ZMYND8: variants seen among roughly 807,000 people sequenced by gnomAD.
ZMYND8 encodes zinc finger MYND-type containing 8.
ZMYND8 carries 37 observed loss-of-function variants against 140.8 expected under a neutral mutation model. That is an observed-to-expected ratio of 0.26 (90% CI 0.20 to 0.35). The LOEUF (loss-of-function observed/expected upper bound fraction) is 0.35, where lower values mean the gene tolerates loss of function less well. Among genes scored for constraint, ZMYND8 ranks in the 10% least tolerant of loss-of-function variants. The pLI is 1.00. For missense variants in ZMYND8, 1,068 were observed against 1,570.0 expected (o/e 0.68, Z 5.40); for synonymous variants, 592 against 597.1 (o/e 0.99, Z 0.12).
At chr20:47,331,439 C>T (rs947639777) in intron 2 of ZMYND8, among the ~76,000 whole-genome samples, 3 of 152,174 alleles carry the variant, frequency 2.0e-5, no homozygotes, top group African/African-American at 7.2e-5. Context: ...CTCTCATGGA[C>T]ATCTTGAGTT....
At chr20:47,241,967 G>A (rs935415908) in intron 14 of ZMYND8, among the ~76,000 whole-genome samples, 11 of 151,890 alleles carry the variant, frequency 7.2e-5, no homozygotes, top group East Asian at 1.9e-4. Flanking sequence ...ACAGGTGCCC[G>A]CCACCATGCC....
intron 11 of ZMYND8, among the ~76,000 whole-genome samples, chr20:47,270,579 A>T (rs1199733614): frequency 6.6e-6 from 1 of 150,610 alleles, no homozygotes; most frequent in Non-Finnish European, 1.5e-5. Flanking sequence ...AAAAGTTGAT[A>T]GCTGGGTGTG....
chr20:47,290,474 T>C (rs1246516667), intron 6 of ZMYND8, among the ~76,000 whole-genome samples, 200 bp from the exon 7 acceptor site: 1 of 152,038 alleles, frequency 6.6e-6, no homozygotes, highest in Non-Finnish European at 1.5e-5. Context: ...TATAACCCTA[T>C]AAAAATGCAC....
chr20:47,327,422 G>A (rs1290762186), intron 2 of ZMYND8, among the ~76,000 whole-genome samples: 1 of 152,020 alleles, frequency 6.6e-6, no homozygotes, highest in Admixed American at 6.6e-5. Flanking sequence ...GGGAGGCCAA[G>A]GCAGGCAGAT....
intron 11 of ZMYND8, among the ~76,000 whole-genome samples, chr20:47,265,111 G>T (rs541841840): frequency 1.3e-5 from 2 of 149,226 alleles, no homozygotes; most frequent in East Asian, 3.9e-4. Context: ...TTTAGCATTA[G>T]AATTTTTAAC....
intron 3 of ZMYND8, among the ~76,000 whole-genome samples, chr20:47,299,955 A>G (rs903055549): frequency 3.9e-5 from 6 of 152,170 alleles, no homozygotes; most frequent in African/African-American, 1.4e-4. Flanking sequence ...CTAAAGCCAT[A>G]ATTCTTGAGC....
intron 3 of ZMYND8, among the ~76,000 whole-genome samples, chr20:47,305,352 T>C (rs748893506): frequency 6.6e-6 from 1 of 151,908 alleles, no homozygotes; most frequent in Admixed American, 6.6e-5. Context: ...GCGATTCTCA[T>C]GTCTCAGCCT....
At chr20:47,240,515 A>AAAT (rs778840988) in intron 14 of ZMYND8, among the ~76,000 whole-genome samples, 9 of 152,080 alleles carry the variant, frequency 5.9e-5, no homozygotes, top group South Asian at 4.2e-4. Flanking sequence ...CTCCGTCTCA[A>AAAT]AATAATAATA....
chr20:47,301,963 T>C (rs995482392), intron 3 of ZMYND8, among the ~76,000 whole-genome samples: 1 of 149,234 alleles, frequency 6.7e-6, no homozygotes, highest in African/African-American at 2.5e-5. Flanking sequence ...AAGGAGCTTT[T>C]CCTCCTCTTT....
chr20:47,238,592 C>T, intron 15 of ZMYND8, 166 bp downstream of exon 15: 1 of 1,331,740 alleles, frequency 7.5e-7, no homozygotes, highest in Non-Finnish European at 1.0e-6. Context: ...AGTAGCAAAA[C>T]AATTTTTAAA....
At chr20:47,214,350 C>A (rs561731544) in intron 21 of ZMYND8, among the ~76,000 whole-genome samples, 7 of 152,304 alleles carry the variant, frequency 4.6e-5, no homozygotes, top group African/African-American at 1.4e-4. Context: ...GGCCTCCCTG[C>A]AGCTTCTCAC....
At chr20:47,334,936 A>G (rs2081278130) in intron 2 of ZMYND8, among the ~76,000 whole-genome samples, 1 of 151,884 alleles carries the variant, frequency 6.6e-6, no homozygotes, top group African/African-American at 2.4e-5. Context: ...AAAAACCATC[A>G]AACTATTCAC....
chr20:47,287,366 T>G, intron 7 of ZMYND8, 82 bp from the exon 8 acceptor site: 1 of 1,189,164 alleles, frequency 8.4e-7, no homozygotes. Flanking sequence ...GCTAACAATG[T>G]GTTTACTTGC....
intron 2 of ZMYND8, chr20:47,320,628 G>C (rs990519926): frequency 6.6e-6 from 1 of 152,300 alleles, no homozygotes; most frequent in Admixed American, 6.5e-5. Flanking sequence ...GGGAAGCTGA[G>C]GCAGGAGAAT....
intron 17 of ZMYND8, among the ~76,000 whole-genome samples, chr20:47,227,849 T>C (rs184453616): frequency 3.3e-5 from 5 of 152,336 alleles, no homozygotes; most frequent in East Asian, 1.9e-4. Context: ...TGCTAGCACT[T>C]TGGGAGGCCA....
intron 14 of ZMYND8, among the ~76,000 whole-genome samples, chr20:47,244,217 T>C (rs192677365): frequency 1.4e-4 from 22 of 152,344 alleles, no homozygotes; most frequent in Non-Finnish European, 4.4e-5. Flanking sequence ...AAGGGTTTCA[T>C]TGACAAGTTA....
At chr20:47,262,181 T>A (rs958144441) in intron 12 of ZMYND8, 107 bp downstream of exon 12, 4 of 1,496,552 alleles carry the variant, frequency 2.7e-6, no homozygotes, top group Non-Finnish European at 3.7e-6. Context: ...ATTTTTTGCA[T>A]AGAGAAAAGA....
In ZMYND8 at chr20:47,210,128, T is replaced by C. The variant is rs1407717756; in HGVS notation, c.*633A>G. The C allele has an allele frequency of 6.5e-6, 1 of 152,676 alleles. No individual in the cohort carries two copies. The highest frequency in any genetic ancestry group is 2.4e-5 in the African/African-American group (1 of 41,454). 9.5% of individuals were successfully genotyped at this position (152,676 alleles called of 1,614,324 possible). On this transcript the variant is annotated 3_prime_UTR_variant, in exon 23 of 23. Transcript: ENST00000471951. ...TGAAAGAAACTAGCTTCTCCCTGTG[T>C]CCGTCTGGTCCGGAGAGCTTGCGTT... is the stretch of plus-strand genomic sequence containing the variant.
chr20:47,277,731 C>T (rs1045959894), intron 10 of ZMYND8, among the ~76,000 whole-genome samples: 9 of 151,952 alleles, frequency 5.9e-5, no homozygotes, highest in Non-Finnish European at 1.3e-4. Flanking sequence ...AGCACAGTGG[C>T]ATGATCTCAG....
Sources: allele counts gnomAD v4.1 joint callset (sites outside exome capture counted in the v4.1 genomes callset), GRCh38; gene constraint gnomAD v4.1.1; transcripts MANE v1.5; gene names NCBI Gene and HGNC (gene_info 2026-07-23, HGNC 2026-07-21).